PRICKLE2: variants seen among roughly 807,000 people sequenced by gnomAD.
The protein encoded by PRICKLE2 is prickle planar cell polarity protein 2.
In PRICKLE2, 21 loss-of-function variants were observed where a neutral mutation model predicts 81.4. The observed-to-expected ratio is 0.26, with a 90% CI of 0.18 to 0.37. The LOEUF (loss-of-function observed/expected upper bound fraction) is 0.37, where lower values mean the gene tolerates loss of function less well. Ranked by LOEUF, PRICKLE2 falls within the 10% of genes least tolerant of loss-of-function variation. The pLI is 1.00. For missense variants in PRICKLE2, 940 were observed against 1,109.0 expected (o/e 0.85, Z 2.16); for synonymous variants, 456 against 421.5 (o/e 1.08, Z -1.00).
chr3:64,093,333 G>A lies in PRICKLE2; in HGVS notation c.*5718C>T, dbSNP rs957397424. On this transcript the variant is annotated 3_prime_UTR_variant, in exon 8 of 8. Coordinates refer to ENST00000638394, the MANE Select transcript of PRICKLE2 (RefSeq NM_198859.4). ...GTGAATGCTGCTTTTATGAATATGG[G>A]TGTACAAGTATCTCTTTGGAGACCC... The A allele has an allele frequency of 6.6e-6, 1 of 152,264 alleles. No individual in the cohort carries two copies. The highest frequency in any genetic ancestry group is 1.5e-5 in the Non-Finnish European group (1 of 68,074). 9.4% of individuals were successfully genotyped at this position (152,264 alleles called of 1,614,324 possible).
rs377320543 is a variant in PRICKLE2 at position 64,110,684 on chromosome 3, G to A, written c.1661-10759C>T. ...CAGGGAAAAGTGTTCCAGGCAGAGG[G>A]AGCAAGAATATTTTGTACTAGAGAA... On this transcript the variant is annotated intron_variant, in intron 7 of 7. Transcript: ENST00000638394. Among the ~76,000 whole-genome samples the A allele has an allele frequency of 5.9e-5, 9 of 152,200 alleles. No individual in the cohort carries two copies. In the East Asian group the frequency reaches 1.7e-3, roughly 29 times the overall value.
intron 2 of PRICKLE2, among the ~76,000 whole-genome samples, chr3:64,197,171 T>C (rs2078470954): frequency 6.6e-6 from 1 of 152,214 alleles, no homozygotes; most frequent in Admixed American, 6.5e-5. Flanking sequence ...TGATGGGCAT[T>C]TAGGCTCATG....
intron 2 of PRICKLE2, among the ~76,000 whole-genome samples, chr3:64,198,529 C>A (rs2078506067): frequency 6.6e-6 from 1 of 152,126 alleles, no homozygotes; most frequent in Non-Finnish European, 1.5e-5. Context: ...TGGTACACCT[C>A]TGAGATGTTT....
chr3:64,147,541 T>C lies in PRICKLE2; in HGVS notation c.949A>G (p.Asn317Asp). 2 of 1,614,200 alleles carry C rather than the reference T, an allele frequency of 1.2e-6. No individual in the cohort carries two copies. Among genetic ancestry groups the C allele is most frequent in the Non-Finnish European group, 1.7e-6 (2 of 1,180,038 alleles). The change falls in exon 7 of 8, where the codon AAT (asparagine) becomes GAT (aspartate). Residue 317 changes from asparagine (N) to aspartate (D), a missense_variant. Coordinates refer to ENST00000638394, the MANE Select transcript of PRICKLE2 (RefSeq NM_198859.4). The surrounding 1 kb of genome is among the most constrained non-coding windows in gnomAD (Gnocchi z 5.0). ...GCGGAATCAGAGGAGTCAGAACCATTGGGGTCTTCCCCAGCACTGCAGGCC... is the reference window on the plus strand; with the variant it reads ...GCGGAATCAGAGGAGTCAGAACCATCGGGGTCTTCCCCAGCACTGCAGGCC... ...SRACSAGEDP[N>D]GSDSSDSAFQ...
In PRICKLE2 at chr3:64,241,902, G is replaced by A. The variant is rs984766036; in HGVS notation, c.129-42935C>T. On this transcript the variant is annotated intron_variant, in intron 2 of 8. Transcript: ENST00000295902. ...TTCCCTACAAAACAAAACCCACCAG[G>A]TATCTAAACATGTCCTGAAATTAAA... is the stretch of plus-strand genomic sequence containing the variant. 3.3e-5 allele frequency among the ~76,000 whole-genome samples: 5 copies of A among 152,096 alleles called. 1 individual carries two copies. The highest frequency in any genetic ancestry group is 2.0e-4 in the Admixed American group (3 of 15,264).
In PRICKLE2 at chr3:64,097,418, C is replaced by T. The variant is rs1405669224; in HGVS notation, c.*1633G>A. ...CACTGAGATACACCGGGCACTACAT[C>T]GACAGTACATCTCACTACAGGTGGG... On this transcript the variant is annotated 3_prime_UTR_variant, in exon 8 of 8. Coordinates refer to ENST00000638394, the MANE Select transcript of PRICKLE2 (RefSeq NM_198859.4). The T allele has an allele frequency of 2.0e-5, 3 of 152,568 alleles. No homozygotes were observed. The highest frequency in any genetic ancestry group is 4.4e-5 in the Non-Finnish European group (3 of 68,046). 9.5% of individuals were successfully genotyped at this position (152,568 alleles called of 1,614,324 possible).
chr3:64,142,198 T>C (rs2077372315), intron 7 of PRICKLE2, among the ~76,000 whole-genome samples: 1 of 152,150 alleles, frequency 6.6e-6, no homozygotes, highest in Admixed American at 6.5e-5. Context: ...CTGTCATATC[T>C]GACAGAACCA....
Position 64,098,869 on chromosome 3 carries a change from C to T in PRICKLE2, c.*182G>A. Reference sequence around the variant, plus strand: ...AGTGAAATGTGCAAATAATATTCAACATGCCAAGAACTGTGACTACCTATT... The same window carrying T: ...AGTGAAATGTGCAAATAATATTCAATATGCCAAGAACTGTGACTACCTATT... On this transcript the variant is annotated 3_prime_UTR_variant, in exon 8 of 8. Transcript: ENST00000638394. 1 of 665,256 alleles carries T rather than the reference C, an allele frequency of 1.5e-6. No individual in the cohort carries two copies. Among genetic ancestry groups the T allele is most frequent in the Non-Finnish European group, 2.6e-6 (1 of 379,578 alleles). The allele number at this position is 665,256 out of a possible 1,614,324, so 41.2% of individuals were successfully genotyped here. A position where few individuals can be genotyped will look rare whatever the true frequency, so the allele number is the denominator to read the frequency against.
In PRICKLE2 at chr3:64,225,218, C is replaced by T. The variant is rs1657697932; in HGVS notation, c.-349G>A. ...ACTTCTACTCTTCCTCTAGATCAGC[C>T]TGAGTGCTCAGATCGCCTTCCGGAG... On this transcript the variant is annotated 5_prime_UTR_variant, in exon 1 of 8. Coordinates refer to ENST00000638394, the MANE Select transcript of PRICKLE2 (RefSeq NM_198859.4). 1.0e-6 allele frequency: 1 copy of T among 985,476 alleles called. No homozygotes were observed. Among genetic ancestry groups the T allele is most frequent in the African/African-American group, 1.7e-5 (1 of 57,358 alleles). 61.0% of individuals were successfully genotyped at this position (985,476 alleles called of 1,614,324 possible).
intron 2 of PRICKLE2, among the ~76,000 whole-genome samples, chr3:64,174,027 A>G (rs1032068919): frequency 6.6e-6 from 1 of 152,184 alleles, no homozygotes; most frequent in African/African-American, 2.4e-5. Flanking sequence ...CATGAAGAAG[A>G]AAAACAACAA....
intron 7 of PRICKLE2, among the ~76,000 whole-genome samples, chr3:64,133,319 C>A (rs1012956616): frequency 6.6e-6 from 1 of 152,040 alleles, no homozygotes; most frequent in African/African-American, 2.4e-5. Context: ...TAAAGGGGAG[C>A]TTGATGGGAA....
At chr3:64,117,092 A>G (rs1069981) in intron 7 of PRICKLE2, among the ~76,000 whole-genome samples, 109,268 of 152,058 alleles carry the variant, frequency 0.72, 40,756 homozygotes, top group South Asian at 0.85. Context: ...AGAACTAAAG[A>G]CGAAAACCAT....
intron 2 of PRICKLE2, among the ~76,000 whole-genome samples, chr3:64,170,001 C>T (rs566686184): frequency 1.5e-4 from 23 of 152,222 alleles, no homozygotes; most frequent in African/African-American, 5.5e-4. Context: ...GGATGGGCTG[C>T]TCATGAGGGC....
rs1462864439 is a variant in PRICKLE2 at position 64,234,203 on chromosome 3, C to T, written c.129-35236G>A. ...ATATCTAGTAGTGGGATTGCTGGGTCGTATAACTCTAGGTTTAACATTTCA... is the reference window on the plus strand; with the variant it reads ...ATATCTAGTAGTGGGATTGCTGGGTTGTATAACTCTAGGTTTAACATTTCA... On this transcript the variant is annotated intron_variant, in intron 2 of 8. Transcript: ENST00000295902. Among the ~76,000 whole-genome samples the T allele has an allele frequency of 2.0e-5, 3 of 151,960 alleles. No homozygotes were observed. In the East Asian group the frequency reaches 5.8e-4, roughly 29 times the overall value.
At chr3:64,150,975 TA>T (rs1028833295) in intron 6 of PRICKLE2, among the ~76,000 whole-genome samples, 7 of 152,212 alleles carry the variant, frequency 4.6e-5, no homozygotes, top group African/African-American at 1.7e-4. Flanking sequence ...GTTCTTTTTT[TA>T]TTCCTTCTCT....
chr3:64,125,957 T>C (rs920990203), intron 7 of PRICKLE2, among the ~76,000 whole-genome samples: 1 of 152,216 alleles, frequency 6.6e-6, no homozygotes, highest in African/African-American at 2.4e-5. Flanking sequence ...TGAGTCTTTT[T>C]TTTTTGTTTG....
chr3:64,248,506 T>C (rs2079393120), intron 2 of PRICKLE2, among the ~76,000 whole-genome samples: 1 of 152,196 alleles, frequency 6.6e-6, no homozygotes, highest in South Asian at 2.1e-4. Context: ...AGGTCAGCCT[T>C]TCTAGCTGTC....
At chr3:64,149,171 A>G (rs1426012142) in intron 6 of PRICKLE2, among the ~76,000 whole-genome samples, 1 of 152,100 alleles carries the variant, frequency 6.6e-6, no homozygotes, top group Admixed American at 6.5e-5. Flanking sequence ...CTGCCTTCTC[A>G]TCATCTCTGC....
At chr3:64,263,042 C>T (rs2079640193) in intron 2 of PRICKLE2, among the ~76,000 whole-genome samples, 1 of 152,186 alleles carries the variant, frequency 6.6e-6, no homozygotes, top group East Asian at 1.9e-4. Flanking sequence ...TTTCTCTACT[C>T]CAGGCCTTCT....
Sources: allele counts gnomAD v4.1 joint callset (sites outside exome capture counted in the v4.1 genomes callset), GRCh38; gene constraint gnomAD v4.1.1; non-coding constraint Gnocchi (gnomAD v3.1); transcripts MANE v1.5; gene names NCBI Gene and HGNC (gene_info 2026-07-23, HGNC 2026-07-21).